Variants in UNC93A observed in about 807,000 individuals in gnomAD.
UNC93A encodes the protein unc-93 homolog A.
Under a neutral mutation model 47.5 loss-of-function variants are expected in UNC93A, and 43 were observed. The ratio of observed to expected loss-of-function variants is 0.91; its 90% CI spans 0.71 to 1.17. UNC93A has a LOEUF of 1.17. Ranked by LOEUF, UNC93A falls within the 50% of genes most tolerant of loss-of-function variation. UNC93A has a pLI of 0.00. For missense variants in UNC93A, 605 were observed against 577.6 expected, an observed-to-expected ratio of 1.05 and a Z score of -0.49; for synonymous variants, 280 against 258.0, an observed-to-expected ratio of 1.09 and a Z score of -0.82.
intron 4 of UNC93A, among the ~76,000 whole-genome samples, chr6:167,300,618 T>C (rs1778216741): frequency 6.6e-6 from 1 of 152,118 alleles, no homozygotes; most frequent in Admixed American, 6.5e-5. Context: ...GAGCCACGGT[T>C]TTCTCTGGTC....
intron 1 of UNC93A, among the ~76,000 whole-genome samples, chr6:167,282,290 C>T (rs949610454): frequency 4.6e-5 from 7 of 151,966 alleles, no homozygotes; most frequent in African/African-American, 1.7e-4. Flanking sequence ...AGAGTGGAGG[C>T]CTGCAGGGTG....
At chr6:167,312,667 T>A (rs907556617) in intron 7 of UNC93A, among the ~76,000 whole-genome samples, 2 of 152,256 alleles carry the variant, frequency 1.3e-5, no homozygotes, top group Non-Finnish European at 2.9e-5. Flanking sequence ...GTATGACTGC[T>A]TCCTTATGTG....
intron 1 of UNC93A, among the ~76,000 whole-genome samples, chr6:167,276,922 C>G (rs1288327724): frequency 6.6e-6 from 1 of 152,214 alleles, no homozygotes; most frequent in Non-Finnish European, 1.5e-5. Context: ...TACCTGCAGC[C>G]CACGCTGGCT....
chr6:167,283,732 G>A (rs900344927), intron 1 of UNC93A, among the ~76,000 whole-genome samples: 6 of 152,098 alleles, frequency 3.9e-5, no homozygotes, highest in African/African-American at 1.4e-4. Context: ...TTGGTCTGAT[G>A]AATAAGAGGT....
chr6:167,284,012 A>G (rs1375130247), intron 1 of UNC93A, among the ~76,000 whole-genome samples: 1 of 152,192 alleles, frequency 6.6e-6, no homozygotes, highest in Non-Finnish European at 1.5e-5. Flanking sequence ...TCATTTTGGC[A>G]GAGCCTGTAC....
intron 1 of UNC93A, among the ~76,000 whole-genome samples, chr6:167,280,610 C>T (rs1199849846): frequency 6.6e-6 from 1 of 152,164 alleles, no homozygotes; most frequent in African/African-American, 2.4e-5. Context: ...CGAGGCCGCT[C>T]AGTCTAGGTC....
chr6:167,299,311 G>T (rs897075138), intron 4 of UNC93A, among the ~76,000 whole-genome samples: 2 of 151,928 alleles, frequency 1.3e-5, no homozygotes, highest in Non-Finnish European at 2.9e-5. Flanking sequence ...GAGCTCTGGG[G>T]GTACCAACTC....
chr6:167,306,163 C>A, intron 6 of UNC93A, 113 bp downstream of exon 6: 1 of 1,409,932 alleles, frequency 7.1e-7, no homozygotes. Flanking sequence ...GCTTTGAAAT[C>A]AGTAACGCCC....
chr6:167,305,022 G>T (rs1241891756), intron 5 of UNC93A, among the ~76,000 whole-genome samples: 1 of 152,230 alleles, frequency 6.6e-6, no homozygotes, highest in African/African-American at 2.4e-5. Flanking sequence ...CCTGGAGGCT[G>T]TTGAGAGCTG....
At chr6:167,299,311 G>A (rs897075138) in intron 4 of UNC93A, among the ~76,000 whole-genome samples, 1 of 151,928 alleles carries the variant, frequency 6.6e-6, no homozygotes, top group South Asian at 2.1e-4. Context: ...GAGCTCTGGG[G>A]GTACCAACTC....
upstream of UNC93A, among the ~76,000 whole-genome samples, chr6:167,286,813 A>C (rs554309666): frequency 6.6e-6 from 1 of 151,984 alleles, no homozygotes; most frequent in South Asian, 2.1e-4. Flanking sequence ...CCCCGTCTCT[A>C]CTGAAATACA....
upstream of UNC93A, among the ~76,000 whole-genome samples, chr6:167,288,269 T>C (rs1783775471): frequency 6.6e-6 from 1 of 152,156 alleles, no homozygotes; most frequent in African/African-American, 2.4e-5. Flanking sequence ...GCTCTCTGGG[T>C]TCTCCTTGGC....
exon 1 of UNC93A, chr6:167,271,236 G>A (rs751210295): frequency 2.0e-5 from 3 of 152,262 alleles, no homozygotes; most frequent in Non-Finnish European, 4.4e-5. Context: ...AAAGCACCTG[G>A]GAGTCATTAG....
chr6:167,306,064 T>C lies in UNC93A; in HGVS notation c.976+14T>C. On this transcript the variant is annotated intron_variant, in intron 6 of 7. Coordinates refer to ENST00000230256, the MANE Select transcript of UNC93A (RefSeq NM_018974.4). ...TGTACGTGCTGGGTAGGTATCAGCGTGGGTCCCATCCCAGCTGTCATAACG... is the reference window on the plus strand; with the variant it reads ...TGTACGTGCTGGGTAGGTATCAGCGCGGGTCCCATCCCAGCTGTCATAACG... The C allele has an allele frequency of 6.2e-7, 1 of 1,613,792 alleles. No individual in the cohort carries two copies. The highest frequency in any genetic ancestry group is 1.1e-5 in the South Asian group (1 of 91,086).
intron 1 of UNC93A, among the ~76,000 whole-genome samples, chr6:167,274,173 C>T (rs576856713): frequency 1.3e-5 from 2 of 152,298 alleles, no homozygotes; most frequent in Admixed American, 6.5e-5. Context: ...AGCCGAGTTA[C>T]ACAGGGTTAG....
At chr6:167,300,901 C>A (rs994983735) in intron 4 of UNC93A, among the ~76,000 whole-genome samples, 2 of 152,224 alleles carry the variant, frequency 1.3e-5, no homozygotes, top group Non-Finnish European at 2.9e-5. Context: ...GTGGGGGCTG[C>A]AGCCTTCCTC....
At position 167,307,827 on chromosome 6, in the gene UNC93A, C is replaced by T; in HGVS notation, c.1025C>T (p.Pro342Leu). ...SCMIALLLWR[P>L]RADHLAVFFV... ...ATGATTGCCCTACTGCTGTGGAGACCTCGTGCTGACCATCTGGCAGTGTTC... is the reference window on the plus strand; with the variant it reads ...ATGATTGCCCTACTGCTGTGGAGACTTCGTGCTGACCATCTGGCAGTGTTC... Residue 342 changes from proline to leucine, a missense_variant, in exon 7 of 8, where the codon CCT becomes CTT. Coordinates refer to ENST00000230256, the MANE Select transcript of UNC93A (RefSeq NM_018974.4). The T allele has an allele frequency of 6.2e-7, 1 of 1,614,106 alleles. No individual in the cohort carries two copies. The highest frequency in any genetic ancestry group is 8.5e-7 in the Non-Finnish European group (1 of 1,179,966).
chr6:167,312,957 C>T lies in UNC93A; in HGVS notation c.1109-2230C>T, dbSNP rs936935172. 4.6e-5 allele frequency among the ~76,000 whole-genome samples: 7 copies of T among 152,210 alleles called. No individual in the cohort carries two copies. The East Asian group carries it at 1.2e-3, about 25-fold the overall frequency. On this transcript the variant is annotated intron_variant, in intron 7 of 7. Coordinates refer to ENST00000230256, the MANE Select transcript of UNC93A (RefSeq NM_018974.4). ...TCCACACGTGTGGCTTCCCCTTTCC[C>T]GAGTGGGACAAACGGTTTCCCCTGA...
At chr6:167,296,319 G>A (rs1328869035) in intron 3 of UNC93A, 58 bp downstream of exon 3, 1 of 1,567,492 alleles carries the variant, frequency 6.4e-7, no homozygotes, top group Non-Finnish European at 8.8e-7. Context: ...TCAGTGATGG[G>A]GGAGAGGGTT....
Sources: allele counts gnomAD v4.1 joint callset (sites outside exome capture counted in the v4.1 genomes callset), GRCh38; gene constraint gnomAD v4.1.1; transcripts MANE v1.5; gene names NCBI Gene and HGNC (gene_info 2026-07-23, HGNC 2026-07-21).